CDK17: variants seen among roughly 807,000 people sequenced by gnomAD.
The protein encoded by CDK17 is cyclin dependent kinase 17, also known as cyclin-dependent kinase 17.
Under a neutral mutation model 77.6 loss-of-function variants are expected in CDK17, and 24 were observed. That is an observed-to-expected ratio of 0.31 (90% CI 0.22 to 0.44). The LOEUF (loss-of-function observed/expected upper bound fraction) is 0.44, where lower values mean the gene tolerates loss of function less well. Among genes scored for constraint, CDK17 ranks in the 20% least tolerant of loss-of-function variants. The pLI is 1.00. For missense variants in CDK17, 429 were observed against 622.5 expected (o/e 0.69, Z 3.31); for synonymous variants, 203 against 210.4 (o/e 0.96, Z 0.30).
At chr12:96,394,860 T>C (rs1207916588) in intron 1 of CDK17, among the ~76,000 whole-genome samples, 1 of 136,010 alleles carries the variant, frequency 7.4e-6, no homozygotes, top group Admixed American at 8.1e-5. Context: ...TTTTTATTTA[T>C]TATTTATTCA....
At chr12:96,374,773 T>C (rs1048142923) in intron 1 of CDK17, among the ~76,000 whole-genome samples, 5 of 152,138 alleles carry the variant, frequency 3.3e-5, no homozygotes, top group Non-Finnish European at 7.4e-5. Flanking sequence ...TTCAAGCAAG[T>C]GAGGTCATGA....
chr12:96,363,522 C>T (rs1048405692), intron 1 of CDK17, among the ~76,000 whole-genome samples: 1 of 150,492 alleles, frequency 6.6e-6, no homozygotes, highest in Admixed American at 6.7e-5. Flanking sequence ...CTATGAAGTG[C>T]TACTTTTTCA....
chr12:96,337,225 C>A (rs2119170), intron 1 of CDK17, among the ~76,000 whole-genome samples: 129,462 of 151,756 alleles, frequency 0.85, 55,282 homozygotes, highest in African/African-American at 0.86. Context: ...GGCCAGAACA[C>A]CACCACAACA....
At chr12:96,294,964 T>A (rs746116347) in intron 10 of CDK17, 35 bp downstream of exon 10, 1 of 1,562,526 alleles carries the variant, frequency 6.4e-7, no homozygotes, top group Admixed American at 1.9e-5. Flanking sequence ...CTTTAGAACC[T>A]GGAAGTACTA....
chr12:96,292,430 A>AC (rs1383046966), intron 10 of CDK17, among the ~76,000 whole-genome samples: 7 of 152,068 alleles, frequency 4.6e-5, no homozygotes, highest in Non-Finnish European at 1.0e-4. Context: ...ACATGGTGAA[A>AC]CCCCATCTCT....
At chr12:96,343,505 C>T (rs751065251) in intron 1 of CDK17, among the ~76,000 whole-genome samples, 1 of 152,200 alleles carries the variant, frequency 6.6e-6, no homozygotes, top group Non-Finnish European at 1.5e-5. Flanking sequence ...TTTATTTAGG[C>T]CCTCTGGGGC....
At chr12:96,326,653 T>C (rs1355305549) in intron 2 of CDK17, among the ~76,000 whole-genome samples, 1 of 152,236 alleles carries the variant, frequency 6.6e-6, no homozygotes, top group Admixed American at 6.5e-5. Context: ...ACCCACAGAC[T>C]TCCTGGTTCA....
chr12:96,395,990 A>G (rs1266614680), intron 1 of CDK17, among the ~76,000 whole-genome samples: 1 of 152,244 alleles, frequency 6.6e-6, no homozygotes, highest in Non-Finnish European at 1.5e-5. Context: ...CAAGTAAAAT[A>G]AGGTGATATC....
In CDK17 at chr12:96,294,979, A is replaced by G; in HGVS notation, c.997+20T>C. ...CTTTAGAACCTGGAAGTACTAATAAATATCTCATACATTCCATACCAAAAT... is the reference window on the plus strand; with the variant it reads ...CTTTAGAACCTGGAAGTACTAATAAGTATCTCATACATTCCATACCAAAAT... On this transcript the variant is annotated intron_variant, in intron 10 of 16. Coordinates refer to ENST00000261211, the MANE Select transcript of CDK17 (RefSeq NM_002595.5). 5 of 1,588,906 alleles carry G rather than the reference A, an allele frequency of 3.1e-6. No homozygotes were observed. The highest frequency in any genetic ancestry group is 2.2e-5 in the East Asian group (1 of 44,500).
intron 2 of CDK17, among the ~76,000 whole-genome samples, chr12:96,327,446 G>A (rs1249509576): frequency 6.6e-6 from 1 of 152,124 alleles, no homozygotes; most frequent in Non-Finnish European, 1.5e-5. Context: ...TACAAAGGCA[G>A]AAGCAACAGG....
chr12:96,282,451 A>G, intron 15 of CDK17, 58 bp downstream of exon 15: 1 of 1,126,020 alleles, frequency 8.9e-7, no homozygotes, highest in Non-Finnish European at 1.4e-6. Context: ...ATCACCCCAG[A>G]CCCTAACCTT....
Position 96,400,026 on chromosome 12 carries a change from A to G in CDK17, c.-70T>C. ...CCGCGGGTCCCGAGGCGAGGCGAAG[A>G]GAGGCGCGGGGGGAAGCTGCTCCGC... is the stretch of plus-strand genomic sequence containing the variant. On this transcript the variant is annotated 5_prime_UTR_variant, in exon 1 of 17. Coordinates refer to ENST00000261211, the MANE Select transcript of CDK17 (RefSeq NM_002595.5). 2.6e-6 allele frequency: 1 copy of G among 385,324 alleles called. No individual in the cohort carries two copies. Among genetic ancestry groups the G allele is most frequent in the Non-Finnish European group, 4.6e-6 (1 of 217,922 alleles). The allele number at this position is 385,324 out of a possible 1,614,324, so 23.9% of individuals were successfully genotyped here. A position where few individuals can be genotyped will look rare whatever the true frequency, so the allele number is the denominator to read the frequency against.
chr12:96,311,328 C>A, intron 4 of CDK17, 151 bp from the exon 5 acceptor site: 2 of 569,382 alleles, frequency 3.5e-6, no homozygotes, highest in Non-Finnish European at 5.6e-6. Context: ...ATGTAATATA[C>A]TCATGGCAAA....
intron 13 of CDK17, among the ~76,000 whole-genome samples, chr12:96,285,448 G>A (rs900997202): frequency 6.6e-6 from 1 of 151,986 alleles, no homozygotes; most frequent in Non-Finnish European, 1.5e-5. Flanking sequence ...AATTTGGGGG[G>A]GTTGGGGGCA....
chr12:96,284,647 C>T (rs986173197), intron 13 of CDK17, among the ~76,000 whole-genome samples: 2 of 150,706 alleles, frequency 1.3e-5, no homozygotes, highest in Non-Finnish European at 3.0e-5. Context: ...ACTGCAACCT[C>T]TCTACCTCCT....
chr12:96,322,494 A>G (rs1382427361), intron 3 of CDK17, among the ~76,000 whole-genome samples: 1 of 136,896 alleles, frequency 7.3e-6, no homozygotes, highest in Non-Finnish European at 1.6e-5. Flanking sequence ...GCCCCCTTAC[A>G]AAAAAAAAAA....
chr12:96,317,177 C>T (rs7485403), intron 3 of CDK17, among the ~76,000 whole-genome samples: 10,205 of 145,966 alleles, frequency 0.07, 495 homozygotes, highest in South Asian at 0.18. Flanking sequence ...CCTCAGGAGC[C>T]GATGCGATCA....
At chr12:96,363,317 G>A (rs1389680750) in intron 1 of CDK17, among the ~76,000 whole-genome samples, 1 of 151,976 alleles carries the variant, frequency 6.6e-6, no homozygotes, top group Admixed American at 6.6e-5. Flanking sequence ...TGGGCATGGT[G>A]GTGGGCGCCT....
At chr12:96,336,557 G>A (rs183519805) in intron 1 of CDK17, among the ~76,000 whole-genome samples, 2 of 152,322 alleles carry the variant, frequency 1.3e-5, no homozygotes, top group Admixed American at 1.3e-4. Flanking sequence ...AGTTGCGACT[G>A]CACTTTAATA....
Sources: gnomAD v4.1 joint callset for allele counts (sites outside exome capture counted in the v4.1 genomes callset) on GRCh38, gnomAD v4.1.1 for gene constraint, MANE v1.5 for transcripts, NCBI Gene and HGNC (gene_info 2026-07-23, HGNC 2026-07-21) for gene names.